The following ATAD2 variants were observed in gnomAD, a reference collection of about 807,000 sequenced individuals.
ATAD2 encodes ATPase family AAA domain-containing protein 2.
Under a neutral mutation model 168.9 loss-of-function variants are expected in ATAD2, and 62 were observed. The ratio of observed to expected loss-of-function variants is 0.37; its 90% CI spans 0.30 to 0.45. The LOEUF (loss-of-function observed/expected upper bound fraction) is 0.45, where lower values mean the gene tolerates loss of function less well. Among genes scored for constraint, ATAD2 ranks in the 20% least tolerant of loss-of-function variants. The pLI, the probability that ATAD2 is intolerant of heterozygous loss-of-function variation, is 1.00. For missense variants in ATAD2, 1,419 were observed against 1,667.8 expected (o/e 0.85, Z 2.60); for synonymous variants, 613 against 571.6 (o/e 1.07, Z -1.03).
intron 1 of ATAD2, among the ~76,000 whole-genome samples, chr8:123,414,261 G>A (rs1813207331): frequency 6.6e-6 from 1 of 151,998 alleles, no homozygotes; most frequent in South Asian, 2.1e-4. Context: ...ACCCTATGAG[G>A]TAGTAGCATT....
At position 123,361,662 on chromosome 8, in the gene ATAD2, A is replaced by C. The variant is rs1283916331; in HGVS notation, c.1050-16T>G. 2 of 1,583,688 alleles carry C rather than the reference A, an allele frequency of 1.3e-6. No homozygotes were observed. Among genetic ancestry groups the C allele is most frequent in the Non-Finnish European group, 1.7e-6 (2 of 1,154,710 alleles). On this transcript the variant is annotated splice_polypyrimidine_tract_variant and intron_variant, in intron 8 of 27. Coordinates refer to ENST00000287394, the MANE Select transcript of ATAD2 (RefSeq NM_014109.4). The stretch of plus-strand genomic sequence containing the variant: ...ATGCCTTCGCCTAAAGTAAAAAACA[A>C]AATTGAAATCATGATAAGGAAGGGC...
At chr8:123,349,251 T>C in intron 14 of ATAD2, 34 bp downstream of exon 14, 1 of 1,592,510 alleles carries the variant, frequency 6.3e-7, no homozygotes, top group Non-Finnish European at 8.6e-7. Flanking sequence ...CAGCAATATA[T>C]TTTGTCAAAA....
At chr8:123,387,609 T>TA (rs1333360221) in intron 1 of ATAD2, among the ~76,000 whole-genome samples, 5 of 152,222 alleles carry the variant, frequency 3.3e-5, no homozygotes, top group African/African-American at 9.6e-5. Flanking sequence ...ATTCTTTGGC[T>TA]AAAATCTACT....
chr8:123,354,876 T>A (rs1329119708), intron 13 of ATAD2, among the ~76,000 whole-genome samples: 11 of 123,562 alleles, frequency 8.9e-5, no homozygotes, highest in African/African-American at 3.6e-4. Context: ...TATATATATA[T>A]ATATATATAT....
At chr8:123,413,417 C>A (rs563629548) in intron 1 of ATAD2, among the ~76,000 whole-genome samples, 6 of 152,272 alleles carry the variant, frequency 3.9e-5, no homozygotes, top group African/African-American at 1.4e-4. Context: ...CTGCCAGGCA[C>A]TATGCTAAGT....
At chr8:123,401,366 A>G, upstream of ATAD2, 1 of 1,408,702 alleles carries the variant, frequency 7.1e-7, no homozygotes. Context: ...CTGCTCACCC[A>G]GGCGGGTGTC....
At chr8:123,359,776 A>G (rs574892578) in intron 9 of ATAD2, 91 bp from the exon 10 acceptor site, 6 of 852,614 alleles carry the variant, frequency 7.0e-6, no homozygotes, top group South Asian at 5.5e-5. Context: ...TTAAGTTAAA[A>G]AAAAAATCTA....
chr8:123,391,131 CA>C (rs1379058399), intron 1 of ATAD2, among the ~76,000 whole-genome samples: 1 of 151,424 alleles, frequency 6.6e-6, no homozygotes, highest in African/African-American at 2.4e-5. Flanking sequence ...CCTAAATTTA[CA>C]GAAACCAAAG....
intron 19 of ATAD2, among the ~76,000 whole-genome samples, chr8:123,342,253 G>C (rs1162035810): frequency 6.6e-6 from 1 of 152,098 alleles, no homozygotes; most frequent in Non-Finnish European, 1.5e-5. Context: ...TTTATTAATA[G>C]CCCTAATGAA....
At chr8:123,382,306 C>A (rs76232743) in intron 1 of ATAD2, among the ~76,000 whole-genome samples, 4,213 of 152,142 alleles carry the variant, frequency 0.028, 176 homozygotes, top group African/African-American at 0.095. Flanking sequence ...GATATTTATA[C>A]CACAATAATT....
chr8:123,358,719 A>G (rs1447511052), intron 11 of ATAD2, among the ~76,000 whole-genome samples: 1 of 125,814 alleles, frequency 7.9e-6, no homozygotes, highest in Non-Finnish European at 1.6e-5. Context: ...TATATGGTAC[A>G]TTACTTTTTT....
intron 7 of ATAD2, 68 bp downstream of exon 7, chr8:123,369,753 A>G (rs1829083622): frequency 7.5e-7 from 1 of 1,327,050 alleles, no homozygotes; most frequent in African/African-American, 1.5e-5. Context: ...CAAGAATAAC[A>G]GAGAAGAAAC....
At chr8:123,414,092 C>CAAAAAAA (rs57662854) in intron 1 of ATAD2, among the ~76,000 whole-genome samples, 3 of 40,590 alleles carry the variant, frequency 7.4e-5, no homozygotes, top group African/African-American at 3.2e-4. Context: ...ACTCTTATCT[C>CAAAAAAA]AAAAAAAAAA....
intron 8 of ATAD2, among the ~76,000 whole-genome samples, chr8:123,364,387 A>C (rs891963450): frequency 4.6e-5 from 7 of 152,132 alleles, no homozygotes; most frequent in African/African-American, 1.7e-4. Context: ...ACTATTCCAC[A>C]AGGTAGAGAA....
At chr8:123,336,610 T>C (rs1305237986) in intron 21 of ATAD2, 78 bp from the exon 22 acceptor site, 2 of 1,092,294 alleles carry the variant, frequency 1.8e-6, no homozygotes, top group African/African-American at 3.3e-5. Flanking sequence ...TGCCAGGCAA[T>C]ATAGGAGATA....
chr8:123,403,498 G>A (rs1024642143), intron 1 of ATAD2, among the ~76,000 whole-genome samples: 5 of 151,754 alleles, frequency 3.3e-5, no homozygotes, highest in African/African-American at 1.2e-4. Flanking sequence ...ATTCACAGGC[G>A]CAATCACAGC....
At chr8:123,365,768 T>C (rs1421260815) in intron 8 of ATAD2, among the ~76,000 whole-genome samples, 1 of 152,132 alleles carries the variant, frequency 6.6e-6, no homozygotes, top group Non-Finnish European at 1.5e-5. Context: ...AAAAATCAAC[T>C]CAAGATGGAT....
At position 123,407,530 on chromosome 8, in the gene ATAD2, C is replaced by G. The variant is rs188132451; in HGVS notation, c.-2281-6355G>C. On this transcript the variant is annotated intron_variant, in intron 1 of 28. Coordinates refer to the ATAD2 transcript ENST00000521903. ...TCTGAGGTCAGGAGTTCAAGTCCAG[C>G]TGGGCCAACATGGTAAAACCCCATC... Among the ~76,000 whole-genome samples, 165 of 151,926 alleles carry G rather than the reference C, an allele frequency of 1.1e-3. 1 individual carries two copies. Among genetic ancestry groups the G allele is most frequent in the African/African-American group, 3.0e-3 (123 of 41,420 alleles).
At chr8:123,372,004 ACACCTACCATAAGATTGAGCC>A (rs1261651101) in intron 3 of ATAD2, among the ~76,000 whole-genome samples, 169 bp from the exon 4 acceptor site, 2 of 152,182 alleles carry the variant, frequency 1.3e-5, no homozygotes, top group Admixed American at 6.5e-5. Flanking sequence ...GTTAAAACAT[ACACCTACCATAAGATTGAGCC>A]CACCTACTCC....
Sources: gnomAD v4.1 joint callset for allele counts (sites outside exome capture counted in the v4.1 genomes callset) on GRCh38, gnomAD v4.1.1 for gene constraint, MANE v1.5 for transcripts, NCBI Gene and HGNC (gene_info 2026-07-23, HGNC 2026-07-21) for gene names.